DCC: variants seen among roughly 807,000 people sequenced by gnomAD.
DCC encodes the protein DCC netrin 1 receptor.
In DCC, 58 loss-of-function variants were observed where a neutral mutation model predicts 172.5. That is an observed-to-expected ratio of 0.34 (90% CI 0.27 to 0.42). The LOEUF is 0.42. Among genes scored for constraint, DCC ranks in the 10% least tolerant of loss-of-function variants. The pLI, the probability that DCC is intolerant of heterozygous loss-of-function variation, is 1.00. For synonymous variants in DCC, 709 were observed against 644.5 expected (o/e 1.10, Z -1.52); for missense variants, 1,740 against 1,791.0 (o/e 0.97, Z 0.51).
At chr18:52,835,462 G>T (rs1008850283) in intron 2 of DCC, among the ~76,000 whole-genome samples, 1 of 152,174 alleles carries the variant, frequency 6.6e-6, no homozygotes, top group African/African-American at 2.4e-5. Flanking sequence ...AACTACTGCT[G>T]ATTTCACTGC....
chr18:53,042,900 G>A (rs2042189064), intron 5 of DCC, among the ~76,000 whole-genome samples: 1 of 151,850 alleles, frequency 6.6e-6, no homozygotes, highest in African/African-American at 2.4e-5. Context: ...AGACAGTGTG[G>A]GGATTCTTCA....
In DCC at chr18:52,923,692, G is replaced by A; in HGVS notation, c.698-15G>A. 1.9e-6 allele frequency: 3 copies of A among 1,584,190 alleles called. No individual in the cohort carries two copies. Among genetic ancestry groups the A allele is most frequent in the Non-Finnish European group, 2.6e-6 (3 of 1,153,262 alleles). ...TTTTTCATATATCATATGATACTGT[G>A]TTTTCCCCTCATAGATCCAGGACTG... On this transcript the variant is annotated splice_polypyrimidine_tract_variant and intron_variant, in intron 3 of 28. Transcript: ENST00000442544.
intron 1 of DCC, among the ~76,000 whole-genome samples, chr18:52,520,667 T>C (rs1045207681): frequency 2.6e-5 from 4 of 152,156 alleles, no homozygotes; most frequent in African/African-American, 9.7e-5. Context: ...GTCGTTCAGA[T>C]TGAGTTTTAA....
At chr18:52,675,278 C>A (rs1033578290) in intron 1 of DCC, among the ~76,000 whole-genome samples, 1 of 152,128 alleles carries the variant, frequency 6.6e-6, no homozygotes, top group Non-Finnish European at 1.5e-5. Context: ...CAGGCTTGAA[C>A]TCCTGACCTC....
intron 1 of DCC, among the ~76,000 whole-genome samples, chr18:52,416,451 C>G (rs1345442919): frequency 5.9e-5 from 9 of 152,032 alleles, no homozygotes; most frequent in East Asian, 3.9e-4. Context: ...TCTCGTTGAT[C>G]TGTCTAATGT....
chr18:53,461,475 G>C (rs1273846967), intron 24 of DCC, among the ~76,000 whole-genome samples: 4 of 152,100 alleles, frequency 2.6e-5, no homozygotes, highest in African/African-American at 7.2e-5. Flanking sequence ...GTAAGGAAGG[G>C]ATCCAGTTTC....
intron 2 of DCC, among the ~76,000 whole-genome samples, chr18:52,795,205 G>T (rs1420731386): frequency 6.6e-6 from 1 of 152,016 alleles, no homozygotes; most frequent in South Asian, 2.1e-4. Flanking sequence ...AATAATCTGT[G>T]TTAGTTCTTC....
intron 6 of DCC, among the ~76,000 whole-genome samples, chr18:53,064,609 G>T (rs2042541505): frequency 6.6e-6 from 1 of 152,104 alleles, no homozygotes; most frequent in Non-Finnish European, 1.5e-5. Context: ...ATGCATGTTG[G>T]CCTACTATAA....
chr18:53,503,782 T>G (rs1349010208), intron 27 of DCC, among the ~76,000 whole-genome samples: 2 of 152,166 alleles, frequency 1.3e-5, no homozygotes, highest in Non-Finnish European at 2.9e-5. Context: ...ATAATACTCT[T>G]TTATAACATT....
At chr18:52,736,362 C>T (rs911146339) in intron 1 of DCC, among the ~76,000 whole-genome samples, 8 of 151,890 alleles carry the variant, frequency 5.3e-5, no homozygotes, top group Non-Finnish European at 1.0e-4. Flanking sequence ...GTAACCCTGG[C>T]CCATGATTTA....
chr18:53,428,396 A>AATATATTACATATATAAT (rs1911234901), intron 21 of DCC, among the ~76,000 whole-genome samples: 1 of 54,044 alleles, frequency 1.9e-5, no homozygotes, highest in African/African-American at 5.7e-5. Flanking sequence ...TATATAATAT[A>AATATATTACATATATAAT]ATATAATATA....
chr18:52,853,392 A>G (rs1484161809), intron 2 of DCC, among the ~76,000 whole-genome samples: 1 of 152,220 alleles, frequency 6.6e-6, no homozygotes, highest in Non-Finnish European at 1.5e-5. Flanking sequence ...TGTTCATTAC[A>G]TGTTTGTTAC....
In DCC at chr18:53,085,991, C is replaced by CTTCTT. The variant is rs2042875697; in HGVS notation, c.1261+19825_1261+19826insTTCTT. 8.2e-5 allele frequency among the ~76,000 whole-genome samples: 3 copies of CTTCTT among 36,766 alleles called. No individual in the cohort carries two copies. The African/African-American group carries it at 9.0e-4, about 11-fold the overall frequency. 24.1% of individuals were successfully genotyped at this position (36,766 alleles called of 152,430 possible). ...TTCTTCTTCTTCTTCTTCTTCTTCT[C>CTTCTT]CTTCTCCTTCTTCTCCTTCTCCTTC... is the stretch of plus-strand genomic sequence containing the variant. On this transcript the variant is annotated intron_variant, in intron 7 of 28. Transcript: ENST00000442544.
intron 1 of DCC, among the ~76,000 whole-genome samples, chr18:52,403,638 G>T (rs575666038): frequency 3.3e-5 from 5 of 152,140 alleles, no homozygotes; most frequent in African/African-American, 1.2e-4. Flanking sequence ...CAGAGGAAAT[G>T]AAAATGAAAA....
At chr18:53,005,510 G>A (rs1568239762) in intron 5 of DCC, among the ~76,000 whole-genome samples, 2 of 152,142 alleles carry the variant, frequency 1.3e-5, no homozygotes, top group Non-Finnish European at 2.9e-5. Context: ...AAGTTGGGCA[G>A]ATTCTTGAGG....
At chr18:52,842,005 CAT>C (rs59449894) in intron 2 of DCC, among the ~76,000 whole-genome samples, 133,017 of 149,846 alleles carry the variant, frequency 0.89, 59,516 homozygotes, top group East Asian at 0.99. Context: ...AATTTTTGCG[CAT>C]ATATATATAT....
intron 2 of DCC, among the ~76,000 whole-genome samples, chr18:52,883,897 T>G (rs776407418): frequency 6.6e-5 from 10 of 151,812 alleles, no homozygotes; most frequent in Non-Finnish European, 1.5e-4. Context: ...CTGGTGTTGA[T>G]GAAATCCCCT....
intron 1 of DCC, among the ~76,000 whole-genome samples, chr18:52,515,109 G>A (rs1345157649): frequency 3.3e-5 from 5 of 152,126 alleles, no homozygotes. Context: ...TAGAACAATG[G>A]AACAGAATAG....
chr18:53,118,240 G>A lies in DCC; in HGVS notation c.1262-39116G>A, dbSNP rs73457538. Among the ~76,000 whole-genome samples, 1,046 of 151,696 alleles carry A rather than the reference G, an allele frequency of 6.9e-3. 13 individuals are homozygous for A. Among genetic ancestry groups the A allele is most frequent in the African/African-American group, 0.025 (1,023 of 41,442 alleles). On this transcript the variant is annotated intron_variant, in intron 7 of 28. Transcript: ENST00000442544. ...CTTTTTTCTAAACCAGCTCTTATAGGCAATATTATCTTCCAAACCACTGTG... is the reference window on the plus strand; with the variant it reads ...CTTTTTTCTAAACCAGCTCTTATAGACAATATTATCTTCCAAACCACTGTG...
Sources: allele counts gnomAD v4.1 joint callset (sites outside exome capture counted in the v4.1 genomes callset), GRCh38; gene constraint gnomAD v4.1.1; transcripts MANE v1.5; gene names NCBI Gene and HGNC (gene_info 2026-07-23, HGNC 2026-07-21).